The following NRP1 variants were observed in gnomAD, a reference collection of about 807,000 sequenced individuals.
NRP1 encodes the protein neuropilin-1.
A neutral mutation model predicts 106.7 loss-of-function variants in NRP1; 35 were observed. The ratio of observed to expected loss-of-function variants is 0.33; its 90% CI spans 0.25 to 0.43. The LOEUF is 0.43. NRP1 is among the 20% of genes least tolerant of loss of function. The probability of loss-of-function intolerance (pLI) is 1.00; values close to 1 mark genes in which losing one functional copy is unlikely to be tolerated. For synonymous variants in NRP1, 437 were observed against 417.9 expected (o/e 1.05, Z -0.56); for missense variants, 1,024 against 1,170.4 (o/e 0.87, Z 1.83).
chr10:33,206,589 T>C (rs1433108810), intron 10 of NRP1, among the ~76,000 whole-genome samples: 3 of 152,166 alleles, frequency 2.0e-5, no homozygotes, highest in East Asian at 1.9e-4. Context: ...AATTTTAAAA[T>C]TGCAGGAAGG....
chr10:33,229,785 A>G (rs1488091311), intron 6 of NRP1, among the ~76,000 whole-genome samples: 2 of 152,192 alleles, frequency 1.3e-5, no homozygotes, highest in Non-Finnish European at 1.5e-5. Flanking sequence ...AAAGGCACCC[A>G]AAGCATATGC....
In NRP1 at chr10:33,185,660, A is replaced by C; in HGVS notation, c.2399T>G (p.Ile800Ser). 6.2e-7 allele frequency: 1 copy of C among 1,614,082 alleles called. No homozygotes were observed. The highest frequency in any genetic ancestry group is 8.5e-7 in the Non-Finnish European group (1 of 1,179,914). The change falls in exon 15 of 17, where the codon ATT (isoleucine) becomes AGT (serine). Residue 800 changes from isoleucine to serine, a missense_variant. Around this residue, in one of 5 missense-constraint regions of NRP1, gnomAD observed 164 missense variants for 161.4 expected, o/e 1.02. Transcript: ENST00000374867. ...LGGIAVDDISINNHISQEDCA... is the reference protein window; with the variant it reads ...LGGIAVDDISSNNHISQEDCA... ...ATCTTCTTGTGAAATGTGGTTATTA[A>C]TACTAATGTCATCCACAGCAATCCC...
At chr10:33,310,174 C>T (rs889205692) in intron 2 of NRP1, among the ~76,000 whole-genome samples, 1 of 151,298 alleles carries the variant, frequency 6.6e-6, no homozygotes, top group Non-Finnish European at 1.5e-5. Context: ...TGGTCTTGAT[C>T]TCCTGACCTC....
intron 13 of NRP1, 29 bp downstream of exon 13, chr10:33,192,252 C>G: frequency 1.3e-6 from 2 of 1,595,648 alleles, no homozygotes; most frequent in African/African-American, 2.7e-5. Flanking sequence ...ATCTGCAAAG[C>G]CATGCAGCCG....
intron 7 of NRP1, among the ~76,000 whole-genome samples, chr10:33,222,674 C>A (rs1839357234): frequency 6.6e-6 from 1 of 152,050 alleles, no homozygotes; most frequent in Admixed American, 6.5e-5. Flanking sequence ...GTGCCCACAG[C>A]CACACCCAGC....
At chr10:33,264,746 A>G (rs1842808612) in intron 3 of NRP1, among the ~76,000 whole-genome samples, 1 of 152,204 alleles carries the variant, frequency 6.6e-6, no homozygotes, top group South Asian at 2.1e-4. Flanking sequence ...TTATGCCTGT[A>G]TGAATGACTC....
At chr10:33,322,017 C>A (rs562723206) in intron 2 of NRP1, among the ~76,000 whole-genome samples, 1 of 152,294 alleles carries the variant, frequency 6.6e-6, no homozygotes, top group East Asian at 1.9e-4. Context: ...CTCCCTTTAA[C>A]CCTTACAGAG....
intron 2 of NRP1, among the ~76,000 whole-genome samples, chr10:33,311,930 T>C (rs541516249): frequency 2.0e-5 from 3 of 151,800 alleles, no homozygotes; most frequent in African/African-American, 7.3e-5. Context: ...ATAATGGGAG[T>C]TGACAGTTCA....
intron 10 of NRP1, among the ~76,000 whole-genome samples, chr10:33,206,599 G>A (rs777880721): frequency 3.9e-5 from 6 of 152,172 alleles, no homozygotes; most frequent in Non-Finnish European, 5.9e-5. Context: ...TTGCAGGAAG[G>A]TGACATTAAA....
At chr10:33,319,576 C>T (rs1306723545) in intron 2 of NRP1, among the ~76,000 whole-genome samples, 8 of 137,188 alleles carry the variant, frequency 5.8e-5, no homozygotes, top group Admixed American at 2.9e-4. Flanking sequence ...TTTTTTCTTT[C>T]TTTCTTTCTT....
At chr10:33,191,169 T>C (rs1004057985) in intron 13 of NRP1, among the ~76,000 whole-genome samples, 4 of 152,180 alleles carry the variant, frequency 2.6e-5, no homozygotes, top group Non-Finnish European at 5.9e-5. Flanking sequence ...GCTGGTCCTT[T>C]ATACTGTACT....
chr10:33,291,401 G>C (rs1363725966), intron 2 of NRP1, among the ~76,000 whole-genome samples: 2 of 152,198 alleles, frequency 1.3e-5, no homozygotes, highest in Non-Finnish European at 2.9e-5. Context: ...AGAATTTTAT[G>C]CCTGAAGCAG....
rs3750732 is a variant in NRP1 at position 33,334,270 on chromosome 10, C to T, written c.73+40G>A. On this transcript the variant is annotated intron_variant, in intron 1 of 16. Transcript: ENST00000374867. ...CGGTCCGGGGCGGGCAGCTGGGAGC[C>T]GGGGCGCCGCTGTCACCCGCGCCTC... The T allele has an allele frequency of 4.6e-6, 7 of 1,526,686 alleles. No homozygotes were observed. In the South Asian group the frequency reaches 4.8e-5, roughly 10 times the overall value. The allele number at this position is 1,526,686 out of a possible 1,614,324, so 94.6% of individuals were successfully genotyped here.
At chr10:33,322,351 G>A (rs1287429657) in intron 2 of NRP1, among the ~76,000 whole-genome samples, 3 of 152,150 alleles carry the variant, frequency 2.0e-5, no homozygotes, top group East Asian at 3.9e-4. Context: ...CCATTCCTAA[G>A]TTAAGGCAAG....
At chr10:33,333,017 G>A (rs1848395050) in intron 1 of NRP1, among the ~76,000 whole-genome samples, 1 of 152,184 alleles carries the variant, frequency 6.6e-6, no homozygotes, top group Non-Finnish European at 1.5e-5. Context: ...GTGGAGGACA[G>A]GGTTACTATA....
At chr10:33,183,734 T>C (rs1032122435) in intron 15 of NRP1, among the ~76,000 whole-genome samples, 2 of 152,226 alleles carry the variant, frequency 1.3e-5, no homozygotes, top group African/African-American at 2.4e-5. Context: ...TATGAATGAA[T>C]GAAAGATTAA....
intron 2 of NRP1, among the ~76,000 whole-genome samples, chr10:33,320,960 C>T (rs75860236): frequency 0.026 from 4,018 of 152,240 alleles, 94 homozygotes; most frequent in Non-Finnish European, 0.043. Context: ...TGCCATCTTT[C>T]CAAAAGAGTT....
intron 1 of NRP1, 92 bp from the exon 2 acceptor site, chr10:33,330,974 T>G (rs1452998547): frequency 8.6e-7 from 1 of 1,160,136 alleles, no homozygotes; most frequent in Non-Finnish European, 1.2e-6. Flanking sequence ...TAAACATTCC[T>G]TAACTTTTTA....
chr10:33,315,798 A>G (rs149964365), intron 2 of NRP1, among the ~76,000 whole-genome samples: 2 of 152,342 alleles, frequency 1.3e-5, no homozygotes, highest in African/African-American at 4.8e-5. Context: ...TAGAACTAGG[A>G]TGATAAGTAA....
Sources: gnomAD v4.1 joint callset for allele counts (sites outside exome capture counted in the v4.1 genomes callset) on GRCh38, gnomAD v4.1.1 for gene constraint, gnomAD v4.1.1 regional missense constraint, MANE v1.5 for transcripts, NCBI Gene and HGNC (gene_info 2026-07-23, HGNC 2026-07-21) for gene names.